SDHB: variants seen among roughly 807,000 people sequenced by gnomAD.
SDHB encodes succinate dehydrogenase [ubiquinone] iron-sulfur subunit, mitochondrial.
In SDHB, 21 loss-of-function variants were observed where a neutral mutation model predicts 39.7. The ratio of observed to expected loss-of-function variants is 0.53; its 90% CI spans 0.37 to 0.76. The LOEUF is 0.76. Among genes scored for constraint, SDHB ranks in the 30% least tolerant of loss-of-function variants. The probability of loss-of-function intolerance (pLI) is 0.00; values close to 1 mark genes in which losing one functional copy is unlikely to be tolerated. For missense variants in SDHB, 343 were observed against 350.9 expected, an observed-to-expected ratio of 0.98 and a Z score of 0.18; for synonymous variants, 118 against 117.0, an observed-to-expected ratio of 1.01 and a Z score of -0.06.
At chr1:17,021,618 G>C (rs1259208978) in intron 7 of SDHB, among the ~76,000 whole-genome samples, 1 of 152,100 alleles carries the variant, frequency 6.6e-6, no homozygotes, top group Non-Finnish European at 1.5e-5. Context: ...AGTGGTGCCT[G>C]CCTGTAATCC....
At chr1:17,042,953 A>AT (rs1468014191) in intron 2 of SDHB, among the ~76,000 whole-genome samples, 2 of 53,868 alleles carry the variant, frequency 3.7e-5, no homozygotes, top group Non-Finnish European at 8.6e-5. Flanking sequence ...TTGTTTTATG[A>AT]GTTTTTTTTT....
chr1:17,042,015 A>G (rs189119732), intron 2 of SDHB, among the ~76,000 whole-genome samples: 260 of 151,614 alleles, frequency 1.7e-3, no homozygotes, highest in African/African-American at 6.0e-3. Flanking sequence ...TCCGCCTCCC[A>G]TGTTCAAGTG....
At chr1:17,026,430 C>T (rs945712492) in intron 5 of SDHB, among the ~76,000 whole-genome samples, 3 of 152,056 alleles carry the variant, frequency 2.0e-5, no homozygotes, top group Admixed American at 6.6e-5. Flanking sequence ...AGTGGCACAA[C>T]CTTGGCTCAC....
chr1:17,043,998 T>C (rs746623536), intron 2 of SDHB, among the ~76,000 whole-genome samples: 2 of 152,196 alleles, frequency 1.3e-5, no homozygotes, highest in Non-Finnish European at 2.9e-5. Context: ...AGATAATACA[T>C]TTAGGTTGTT....
intron 3 of SDHB, among the ~76,000 whole-genome samples, chr1:17,031,621 C>T (rs1222475776): frequency 9.9e-5 from 15 of 152,106 alleles, no homozygotes; most frequent in Admixed American, 9.8e-4. Flanking sequence ...ATTTGCAACG[C>T]TAAATAAGAT....
intron 3 of SDHB, among the ~76,000 whole-genome samples, chr1:17,029,093 G>GTTT (rs746243819): frequency 0.011 from 774 of 71,998 alleles, 65 homozygotes; most frequent in Non-Finnish European, 0.014. Context: ...AAATCAGCCT[G>GTTT]TTTTTTTTTT....
chr1:17,047,175 G>T (rs1378612160), intron 1 of SDHB, among the ~76,000 whole-genome samples: 1 of 152,090 alleles, frequency 6.6e-6, no homozygotes, highest in Non-Finnish European at 1.5e-5. Context: ...GGCCAACATG[G>T]TGAAACTCCG....
chr1:17,032,155 A>T lies in SDHB; in HGVS notation c.286+905T>A, dbSNP rs2078026991. Among the ~76,000 whole-genome samples, 4 of 152,204 alleles carry T rather than the reference A, an allele frequency of 2.6e-5. No individual in the cohort carries two copies. In the South Asian group the frequency reaches 8.3e-4, roughly 32 times the overall value. On this transcript the variant is annotated intron_variant, in intron 3 of 7. Transcript: ENST00000375499. Reference sequence around the variant, plus strand: ...AACTTGTTTTGCTTAAATTCACATTAAAAAACCACTTATATCCCTATTATA... The same window carrying T: ...AACTTGTTTTGCTTAAATTCACATTTAAAAACCACTTATATCCCTATTATA...
chr1:17,034,834 T>C (rs1198152758), intron 2 of SDHB, among the ~76,000 whole-genome samples: 2 of 152,222 alleles, frequency 1.3e-5, no homozygotes, highest in Non-Finnish European at 2.9e-5. Context: ...GAATACTACA[T>C]AGGTTGAATG....
chr1:17,028,051 T>C (rs985262729), intron 4 of SDHB, among the ~76,000 whole-genome samples, 186 bp from the exon 5 acceptor site: 8 of 152,204 alleles, frequency 5.3e-5, no homozygotes, highest in Non-Finnish European at 8.8e-5. Flanking sequence ...GGTCACAATG[T>C]TAAGCATGGT....
At chr1:17,038,866 T>C (rs1010159033) in intron 2 of SDHB, among the ~76,000 whole-genome samples, 2 of 152,226 alleles carry the variant, frequency 1.3e-5, no homozygotes, top group African/African-American at 2.4e-5. Context: ...TTTTTAAAAA[T>C]CATGAATGAG....
At chr1:17,023,192 G>A (rs1052234416) in intron 6 of SDHB, 12 of 284,826 alleles carry the variant, frequency 4.2e-5, no homozygotes, top group East Asian at 2.6e-4. Flanking sequence ...CTTACACAGC[G>A]CTCTCAGCAG....
chr1:17,033,257 A>C (rs1317458931), intron 2 of SDHB, 112 bp from the exon 3 acceptor site: 1 of 865,714 alleles, frequency 1.2e-6, no homozygotes, highest in African/African-American at 1.7e-5. Flanking sequence ...TGGTCTTCTC[A>C]GGTCACCTTC....
In SDHB at chr1:17,053,957, G is replaced by C. The variant is rs1557749647; in HGVS notation, c.63C>G (p.Ala21=). ...AGGCTCCAGGACTCACCTGCAGGCA[G>C]GCTCCGCCAAGGGTTGTGGCCGGCA... ...RRLPATTLGG[A]CLQASRGAQT... is the part of the protein sequence containing the mutation. Residue 21 remains alanine (A), a synonymous_variant, in exon 1 of 8, where the codon GCC becomes GCG. Transcript: ENST00000375499. 7 of 1,612,808 alleles carry C rather than the reference G, an allele frequency of 4.3e-6. No individual in the cohort carries two copies. The highest frequency in any genetic ancestry group is 5.9e-6 in the Non-Finnish European group (7 of 1,179,396).
intron 5 of SDHB, among the ~76,000 whole-genome samples, chr1:17,026,209 A>C (rs1197817297): frequency 6.6e-6 from 1 of 152,102 alleles, no homozygotes; most frequent in Admixed American, 6.5e-5. Flanking sequence ...GATGCACAAG[A>C]CTCTGGGAGG....
chr1:17,027,165 T>C (rs1391752384), intron 5 of SDHB, among the ~76,000 whole-genome samples: 1 of 151,996 alleles, frequency 6.6e-6, no homozygotes, highest in African/African-American at 2.4e-5. Context: ...GGAGTAGAAG[T>C]AGTGTAGAAG....
chr1:17,050,344 T>G (rs1290671905), intron 1 of SDHB, among the ~76,000 whole-genome samples: 1 of 152,080 alleles, frequency 6.6e-6, no homozygotes, highest in Non-Finnish European at 1.5e-5. Flanking sequence ...TAAATTTGTT[T>G]TGTGTCAAAA....
At chr1:17,023,907 T>C (rs1252094879) in intron 6 of SDHB, 66 bp downstream of exon 6, 3 of 1,229,434 alleles carry the variant, frequency 2.4e-6, no homozygotes, top group South Asian at 1.2e-5. Flanking sequence ...CAGCAATCTA[T>C]TGTCCTCTTG....
intron 1 of SDHB, chr1:17,052,275 G>A (rs1245533207): frequency 1.3e-5 from 2 of 152,188 alleles, no homozygotes; most frequent in Non-Finnish European, 2.9e-5. Flanking sequence ...GTGGTTCAGT[G>A]GTCAGACTAT....
Sources: allele counts gnomAD v4.1 joint callset (sites outside exome capture counted in the v4.1 genomes callset), GRCh38; gene constraint gnomAD v4.1.1; transcripts MANE v1.5; gene names NCBI Gene and HGNC (gene_info 2026-07-23, HGNC 2026-07-21).